The following PCDH15 variants were observed in gnomAD, a reference collection of about 807,000 sequenced individuals.
PCDH15 encodes the protein protocadherin related 15.
PCDH15 carries 129 observed loss-of-function variants against 178.5 expected under a neutral mutation model. That is an observed-to-expected ratio of 0.72 (90% confidence interval 0.63 to 0.84). The LOEUF is 0.84. PCDH15 is among the 40% of genes least tolerant of loss of function. PCDH15 has a pLI of 0.00. For missense variants in PCDH15, 2,230 were observed against 2,099.9 expected (o/e 1.06, Z -1.21); for synonymous variants, 800 against 732.0 (o/e 1.09, Z -1.50).
chr10:54,741,966 A>T (rs1003654400), intron 1 of PCDH15, among the ~76,000 whole-genome samples: 2 of 152,076 alleles, frequency 1.3e-5, no homozygotes, highest in African/African-American at 2.4e-5. Context: ...GAGGTATAAG[A>T]CATTAACACC....
intron 1 of PCDH15, among the ~76,000 whole-genome samples, chr10:55,272,629 C>T (rs756833904): frequency 2.0e-5 from 3 of 151,860 alleles, no homozygotes; most frequent in Admixed American, 6.6e-5. Context: ...GTAATCTGCC[C>T]GCCCACCTCG....
intron 16 of PCDH15, among the ~76,000 whole-genome samples, chr10:54,084,085 T>A (rs1276914942): frequency 2.7e-4 from 2 of 7,460 alleles, no homozygotes; most frequent in African/African-American, 2.2e-3. Flanking sequence ...AATGTGCACT[T>A]TTTTTTTTTT....
intron 9 of PCDH15, among the ~76,000 whole-genome samples, chr10:54,214,717 A>T (rs1441021545): frequency 6.6e-6 from 1 of 152,038 alleles, no homozygotes; most frequent in Non-Finnish European, 1.5e-5. Flanking sequence ...TCAGCCCCCA[A>T]ATAGCTGGGA....
At chr10:54,367,488 G>A (rs1013166918) in intron 5 of PCDH15, among the ~76,000 whole-genome samples, 2 of 151,990 alleles carry the variant, frequency 1.3e-5, no homozygotes, top group Non-Finnish European at 2.9e-5. Context: ...GAACTATGAA[G>A]AGGGATCCAG....
At chr10:53,892,044 T>TC (rs1164801470) in intron 26 of PCDH15, among the ~76,000 whole-genome samples, 14 of 145,098 alleles carry the variant, frequency 9.6e-5, no homozygotes, top group African/African-American at 1.9e-4. Flanking sequence ...TTTTTTTTTT[T>TC]CCAAGACAGA....
At chr10:54,062,774 A>G (rs201418370) in intron 18 of PCDH15, among the ~76,000 whole-genome samples, 401 of 13,442 alleles carry the variant, frequency 0.03, 4 homozygotes, top group African/African-American at 0.1. Context: ...GAAAAGCGGG[A>G]AAAAAAAAAT....
At chr10:54,538,086 T>C (rs991633087) in intron 2 of PCDH15, among the ~76,000 whole-genome samples, 1 of 152,204 alleles carries the variant, frequency 6.6e-6, no homozygotes, top group Non-Finnish European at 1.5e-5. Flanking sequence ...CTGTTAATAG[T>C]CTTTTCTGTC....
At chr10:54,782,183 G>A (rs367639217) in intron 1 of PCDH15, among the ~76,000 whole-genome samples, 1 of 152,076 alleles carries the variant, frequency 6.6e-6, no homozygotes, top group African/African-American at 2.4e-5. Context: ...GTGATACAGT[G>A]AAAAGGTAAA....
intron 8 of PCDH15, among the ~76,000 whole-genome samples, chr10:54,260,092 C>T (rs562813694): frequency 9.2e-5 from 14 of 152,062 alleles, no homozygotes; most frequent in Admixed American, 2.6e-4. Flanking sequence ...CATGTAATGA[C>T]GGTAATGGTA....
At chr10:54,317,625 A>C (rs538148323) in intron 7 of PCDH15, among the ~76,000 whole-genome samples, 184 bp from the exon 8 acceptor site, 1 of 152,098 alleles carries the variant, frequency 6.6e-6, no homozygotes, top group Admixed American at 6.5e-5. Context: ...AAATACAAAA[A>C]TCTGGGTGTG....
chr10:55,575,790 A>C (rs1564461851), intron 2 of PCDH15: 1 of 152,194 alleles, frequency 6.6e-6, no homozygotes, highest in Non-Finnish European at 1.5e-5. Flanking sequence ...CCTTTGGACT[A>C]GCAATGAAAT....
At chr10:54,221,822 C>T (rs1156814912) in intron 9 of PCDH15, among the ~76,000 whole-genome samples, 3 of 152,040 alleles carry the variant, frequency 2.0e-5, no homozygotes, top group African/African-American at 4.8e-5. Flanking sequence ...AGGCTGGTTT[C>T]GAACTCCTGC....
chr10:53,962,236 G>A (rs555993268), intron 21 of PCDH15, among the ~76,000 whole-genome samples: 1 of 152,098 alleles, frequency 6.6e-6, no homozygotes, highest in African/African-American at 2.4e-5. Flanking sequence ...CAGAGACAGG[G>A]TCTTCCTTTG....
At chr10:53,840,585 A>G (rs982562966) in intron 28 of PCDH15, 89 bp from the exon 29 acceptor site, 1 of 1,169,892 alleles carries the variant, frequency 8.5e-7, no homozygotes, top group African/African-American at 1.5e-5. Flanking sequence ...CATTTAGTAA[A>G]TGAAAAATGA....
At chr10:54,395,607 T>A (rs1951108696) in intron 3 of PCDH15, among the ~76,000 whole-genome samples, 1 of 151,600 alleles carries the variant, frequency 6.6e-6, no homozygotes, top group Non-Finnish European at 1.5e-5. Flanking sequence ...AAAGTCACAG[T>A]TTCCAAGAAC....
chr10:55,535,967 T>C (rs1023051095), intron 2 of PCDH15, among the ~76,000 whole-genome samples: 4 of 152,020 alleles, frequency 2.6e-5, no homozygotes, highest in African/African-American at 9.7e-5. Flanking sequence ...AATCCTAGCA[T>C]TTTAAAAATA....
intron 1 of PCDH15, among the ~76,000 whole-genome samples, chr10:55,262,851 A>C (rs1206704515): frequency 6.6e-6 from 1 of 152,168 alleles, no homozygotes; most frequent in Non-Finnish European, 1.5e-5. Context: ...TGAATTCACT[A>C]ACACAAGCTG....
At chr10:55,500,217 ATATT>A (rs1840625218) in intron 2 of PCDH15, among the ~76,000 whole-genome samples, 1 of 151,802 alleles carries the variant, frequency 6.6e-6, no homozygotes, top group African/African-American at 2.4e-5. Flanking sequence ...AGGATGTATG[ATATT>A]TTAAAATTTC....
intron 3 of PCDH15, among the ~76,000 whole-genome samples, chr10:54,445,553 T>C (rs2076097882): frequency 6.6e-6 from 1 of 151,606 alleles, no homozygotes; most frequent in Non-Finnish European, 1.5e-5. Context: ...GCTAATTCAA[T>C]GTATCATAAT....
Sources: gnomAD v4.1 joint callset for allele counts (sites outside exome capture counted in the v4.1 genomes callset) on GRCh38, gnomAD v4.1.1 for gene constraint, MANE v1.5 for transcripts, NCBI Gene and HGNC (gene_info 2026-07-23, HGNC 2026-07-21) for gene names.